Variants in PRKG1 observed in about 807,000 individuals in gnomAD.
PRKG1 encodes the protein protein kinase cGMP-dependent 1.
Under a neutral mutation model 88.1 loss-of-function variants are expected in PRKG1, and 35 were observed. The observed-to-expected ratio is 0.40, with a 90% CI of 0.30 to 0.53. PRKG1 has a LOEUF of 0.53. Ranked by LOEUF, PRKG1 falls within the 20% of genes least tolerant of loss-of-function variation. The pLI is 0.59. For synonymous variants in PRKG1, 303 were observed against 292.5 expected, an observed-to-expected ratio of 1.04 and a Z score of -0.37; for missense variants, 540 against 839.8, an observed-to-expected ratio of 0.64 and a Z score of 4.41.
chr10:52,271,579 C>T (rs540155464), intron 11 of PRKG1, 90 bp downstream of exon 11: 19 of 1,353,552 alleles, frequency 1.4e-5, no homozygotes, highest in Middle Eastern at 2.4e-4. Flanking sequence ...ACTGTTAACA[C>T]ATTTCGTATG....
chr10:51,369,737 C>T (rs976403815), intron 2 of PRKG1, among the ~76,000 whole-genome samples: 2 of 152,158 alleles, frequency 1.3e-5, no homozygotes, highest in African/African-American at 4.8e-5. Flanking sequence ...CTCTCACCAC[C>T]TTTATTAAAT....
intron 7 of PRKG1, among the ~76,000 whole-genome samples, chr10:52,112,803 G>T (rs564704451): frequency 3.6e-4 from 55 of 152,252 alleles, no homozygotes; most frequent in Non-Finnish European, 1.5e-5. Flanking sequence ...GATTATCAAA[G>T]GCTCACCTGA....
At chr10:52,097,834 C>G (rs1847207598) in intron 7 of PRKG1, among the ~76,000 whole-genome samples, 1 of 151,656 alleles carries the variant, frequency 6.6e-6, no homozygotes. Context: ...TTTGAAGATG[C>G]TATGAATCAT....
intron 4 of PRKG1, among the ~76,000 whole-genome samples, chr10:51,833,601 C>T (rs1840056502): frequency 6.6e-6 from 1 of 151,998 alleles, no homozygotes; most frequent in Non-Finnish European, 1.5e-5. Context: ...TTATGTGGCA[C>T]AATGTGATAT....
chr10:52,147,587 T>G (rs1837766789), intron 8 of PRKG1, among the ~76,000 whole-genome samples: 1 of 152,020 alleles, frequency 6.6e-6, no homozygotes, highest in South Asian at 2.1e-4. Context: ...ACAAAGTAAG[T>G]GGTAACTGGA....
At chr10:52,190,220 G>A (rs548210652) in intron 9 of PRKG1, among the ~76,000 whole-genome samples, 15 of 152,234 alleles carry the variant, frequency 9.9e-5, no homozygotes, top group African/African-American at 3.6e-4. Flanking sequence ...TTTCAAAATT[G>A]ACAATTGAGC....
chr10:52,020,508 A>G (rs1845156003), intron 5 of PRKG1, among the ~76,000 whole-genome samples: 2 of 152,164 alleles, frequency 1.3e-5, no homozygotes, highest in South Asian at 4.1e-4. Context: ...TCAGAGAAGG[A>G]GTGGAAGTTT....
chr10:50,999,909 C>T (rs534914111), intron 1 of PRKG1, among the ~76,000 whole-genome samples: 2 of 152,282 alleles, frequency 1.3e-5, no homozygotes, highest in African/African-American at 4.8e-5. Context: ...CAAGTAAAAA[C>T]CTCAGCTTAC....
chr10:51,230,786 GA>G (rs561296280), intron 2 of PRKG1, among the ~76,000 whole-genome samples: 11,011 of 139,668 alleles, frequency 0.079, 868 homozygotes, highest in African/African-American at 0.21. Context: ...ATAGTGACTA[GA>G]AAAAAAAAAA....
intron 2 of PRKG1, among the ~76,000 whole-genome samples, chr10:51,226,683 G>A (rs1323774281): frequency 1.3e-5 from 2 of 152,076 alleles, no homozygotes; most frequent in African/African-American, 4.8e-5. Flanking sequence ...TGAATAAGAA[G>A]GCAGATCCAA....
At chr10:51,721,226 A>G (rs1842005906) in intron 3 of PRKG1, among the ~76,000 whole-genome samples, 2 of 151,370 alleles carry the variant, frequency 1.3e-5, no homozygotes, top group Admixed American at 6.6e-5. Context: ...AAAAAAAAAA[A>G]AAAAAAGAAA....
chr10:52,072,127 G>A (rs2133287529), intron 7 of PRKG1, among the ~76,000 whole-genome samples: 1 of 131,470 alleles, frequency 7.6e-6, no homozygotes, highest in African/African-American at 2.8e-5. Context: ...TCTCTTTCCA[G>A]CACCTGAGAC....
chr10:51,242,919 A>G (rs1839190754), intron 2 of PRKG1, among the ~76,000 whole-genome samples: 2 of 152,184 alleles, frequency 1.3e-5, no homozygotes, highest in Non-Finnish European at 2.9e-5. Context: ...AAAGTGATTT[A>G]ATTTCTCTCT....
intron 9 of PRKG1, among the ~76,000 whole-genome samples, chr10:52,235,280 ACAT>A (rs1840650714): frequency 7.5e-5 from 2 of 26,580 alleles, no homozygotes; most frequent in African/African-American, 2.9e-4. Context: ...TAACCAGCAA[ACAT>A]CATAATGACA....
chr10:51,681,818 A>G (rs1038302943), intron 3 of PRKG1, among the ~76,000 whole-genome samples: 3 of 152,290 alleles, frequency 2.0e-5, no homozygotes, highest in Admixed American at 2.0e-4. Context: ...TTTATTCTGA[A>G]ATGTTTAATT....
intron 2 of PRKG1, among the ~76,000 whole-genome samples, chr10:51,348,082 A>G (rs376124836): frequency 6.6e-6 from 1 of 152,100 alleles, no homozygotes; most frequent in East Asian, 1.9e-4. Context: ...AAAAACAAAA[A>G]CAAATGGCAA....
intron 3 of PRKG1, among the ~76,000 whole-genome samples, chr10:51,760,768 G>C (rs1360364316): frequency 6.6e-6 from 1 of 152,040 alleles, no homozygotes; most frequent in Non-Finnish European, 1.5e-5. Context: ...CACCTTGCCT[G>C]GCCAGAACTT....
At chr10:51,175,472 T>C (rs1008466550) in intron 2 of PRKG1, among the ~76,000 whole-genome samples, 1 of 152,050 alleles carries the variant, frequency 6.6e-6, no homozygotes, top group African/African-American at 2.4e-5. Flanking sequence ...CTTCAATTTA[T>C]TTTCAATTAT....
intron 2 of PRKG1, among the ~76,000 whole-genome samples, chr10:51,442,020 GTTAT>G (rs1367988946): frequency 1.3e-5 from 2 of 151,522 alleles, no homozygotes; most frequent in African/African-American, 4.8e-5. Context: ...GTTATCCGGA[GTTAT>G]TTATAGCAAA....
Sources: allele counts gnomAD v4.1 joint callset (sites outside exome capture counted in the v4.1 genomes callset), GRCh38; gene constraint gnomAD v4.1.1; transcripts MANE v1.5; gene names NCBI Gene and HGNC (gene_info 2026-07-23, HGNC 2026-07-21).